The following C11orf65 variants were observed in gnomAD, a reference collection of about 807,000 sequenced individuals.
The protein encoded by C11orf65 is protein MFI.
In C11orf65, 38 loss-of-function variants were observed where a neutral mutation model predicts 35.3. The ratio of observed to expected loss-of-function variants is 1.08; its 90% CI spans 0.83 to 1.41. The LOEUF (loss-of-function observed/expected upper bound fraction) is 1.41. Ranked by LOEUF, C11orf65 falls within the 40% of genes most tolerant of loss-of-function variation. C11orf65 has a pLI of 0.00. For synonymous variants in C11orf65, 105 were observed against 114.4 expected (o/e 0.92, Z 0.53); for missense variants, 370 against 367.1 (o/e 1.01, Z -0.06).
chr11:108,398,452 CG>C (rs2092368673), intron 6 of C11orf65, among the ~76,000 whole-genome samples: 1 of 151,950 alleles, frequency 6.6e-6, no homozygotes, highest in African/African-American at 2.4e-5. Flanking sequence ...TTTTGTGATG[CG>C]GAAGATTAGA....
intron 2 of C11orf65, among the ~76,000 whole-genome samples, chr11:108,436,490 T>A (rs2093062096): frequency 6.6e-6 from 1 of 152,184 alleles, no homozygotes; most frequent in Non-Finnish European, 1.5e-5. Context: ...GTGAATATGC[T>A]TTGGCCTGTA....
At chr11:108,395,947 A>T (rs908454027) in intron 6 of C11orf65, among the ~76,000 whole-genome samples, 4 of 151,980 alleles carry the variant, frequency 2.6e-5, no homozygotes, top group African/African-American at 4.8e-5. Flanking sequence ...ATAATAATAA[A>T]AAAAGAAGTG....
intron 2 of C11orf65, among the ~76,000 whole-genome samples, chr11:108,443,523 T>C (rs910211457): frequency 6.6e-6 from 1 of 152,162 alleles, no homozygotes; most frequent in African/African-American, 2.4e-5. Flanking sequence ...AGAATATACA[T>C]TTTTACAGCA....
At chr11:108,352,819 C>T (rs1270658434) in intron 2 of C11orf65, among the ~76,000 whole-genome samples, 1 of 152,164 alleles carries the variant, frequency 6.6e-6, no homozygotes, top group African/African-American at 2.4e-5. Flanking sequence ...CAAAAGGTTA[C>T]ATACTGTATG....
chr11:108,436,046 G>A (rs183694252), intron 2 of C11orf65, among the ~76,000 whole-genome samples: 4 of 151,528 alleles, frequency 2.6e-5, no homozygotes, highest in Admixed American at 2.6e-4. Context: ...ATGAGGGAAA[G>A]ACTTGACAGG....
intron 2 of C11orf65, among the ~76,000 whole-genome samples, chr11:108,373,820 C>A (rs372235334): frequency 2.0e-5 from 3 of 152,206 alleles, no homozygotes; most frequent in African/African-American, 7.2e-5. Context: ...CCACTCCCAC[C>A]CGAATACTGC....
chr11:108,310,784 A>C (rs660429), intron 6 of C11orf65, among the ~76,000 whole-genome samples: 79,828 of 151,962 alleles, frequency 0.53, 21,804 homozygotes, highest in Middle Eastern at 0.74. Context: ...TCTGTGACTA[A>C]TTAAGTTTCA....
At chr11:108,442,140 T>C (rs1258686495) in intron 2 of C11orf65, among the ~76,000 whole-genome samples, 2 of 152,186 alleles carry the variant, frequency 1.3e-5, no homozygotes, top group African/African-American at 2.4e-5. Flanking sequence ...AATCACTTGA[T>C]GGAGCTGAAA....
intron 2 of C11orf65, chr11:108,335,302 A>G: frequency 6.7e-7 from 1 of 1,495,178 alleles, no homozygotes; most frequent in East Asian, 2.6e-5. Context: ...TCTGAAAGAC[A>G]ATCATTATTA....
chr11:108,320,045 C>G lies in C11orf65; in HGVS notation c.641-10974G>C, dbSNP rs2136222253. 6.3e-7 allele frequency: 1 copy of G among 1,592,926 alleles called. No individual in the cohort carries two copies. Among genetic ancestry groups the G allele is most frequent in the South Asian group, 1.1e-5 (1 of 90,630 alleles). The stretch of plus-strand genomic sequence containing the variant: ...AGAATTCTCTACATTTTATGAAAGT[C>G]TCAAATATGCCAGGTATTATGAAAA... On this transcript the variant is annotated intron_variant, in intron 6 of 6. Coordinates refer to the C11orf65 transcript ENST00000525729.
chr11:108,385,497 A>G (rs1404539050), intron 8 of C11orf65, among the ~76,000 whole-genome samples: 1 of 152,152 alleles, frequency 6.6e-6, no homozygotes, highest in Non-Finnish European at 1.5e-5. Context: ...CCCGGCTAAC[A>G]CAGTGAAACC....
chr11:108,417,501 A>T (rs10431060), intron 3 of C11orf65, among the ~76,000 whole-genome samples: 60 of 151,374 alleles, frequency 4.0e-4, no homozygotes, highest in African/African-American at 1.4e-3. Flanking sequence ...TGAGATAGAT[A>T]GTGCCACTTC....
At chr11:108,439,048 CAA>C (rs1291219240) in intron 2 of C11orf65, among the ~76,000 whole-genome samples, 1 of 151,612 alleles carries the variant, frequency 6.6e-6, no homozygotes, top group Non-Finnish European at 1.5e-5. Context: ...AGGACACTAA[CAA>C]GAGAGTAAAA....
chr11:108,356,155 T>A (rs1361702690), intron 2 of C11orf65: 1 of 152,226 alleles, frequency 6.6e-6, no homozygotes, highest in Non-Finnish European at 1.5e-5. Flanking sequence ...ATGTGTAACA[T>A]TTTAAAAAAA....
intron 3 of C11orf65, among the ~76,000 whole-genome samples, chr11:108,422,127 A>G (rs1472728780): frequency 6.6e-6 from 1 of 152,008 alleles, no homozygotes; most frequent in African/African-American, 2.4e-5. Flanking sequence ...ACGGGGTTTC[A>G]CTATGTTGGC....
chr11:108,413,430 G>C (rs903080762), intron 3 of C11orf65, among the ~76,000 whole-genome samples: 1 of 152,084 alleles, frequency 6.6e-6, no homozygotes, highest in Non-Finnish European at 1.5e-5. Flanking sequence ...TTCTATGTGA[G>C]AACATTTGAT....
chr11:108,376,919 G>C (rs1183778267), intron 2 of C11orf65, among the ~76,000 whole-genome samples: 1 of 151,944 alleles, frequency 6.6e-6, no homozygotes, highest in East Asian at 1.9e-4. Flanking sequence ...ACTCTCCCGA[G>C]ACTAAACCAG....
rs373208782 is a variant in C11orf65, at chr11:108,407,089, T to C, written c.228+7A>G. The C allele has an allele frequency of 1.9e-5, 31 of 1,609,150 alleles. No homozygotes were observed. In the African/African-American group the frequency reaches 2.7e-4, roughly 14 times the overall value. On this transcript the variant is annotated splice_region_variant and intron_variant, in intron 4 of 8. Coordinates refer to ENST00000393084, the MANE Select transcript of C11orf65 (RefSeq NM_152587.5). Reference sequence around the variant, plus strand: ...TAACTACTAAATAAGCATTCATCCATACTTACTCCACCTAATCTGAATCGC... The same window carrying C: ...TAACTACTAAATAAGCATTCATCCACACTTACTCCACCTAATCTGAATCGC...
intron 1 of C11orf65, among the ~76,000 whole-genome samples, chr11:108,466,329 T>C (rs2093537453): frequency 6.6e-6 from 1 of 152,112 alleles, no homozygotes; most frequent in Non-Finnish European, 1.5e-5. Flanking sequence ...ATCCTAACAT[T>C]TTGGGAGGCC....
Sources: gnomAD v4.1 joint callset for allele counts (sites outside exome capture counted in the v4.1 genomes callset) on GRCh38, gnomAD v4.1.1 for gene constraint, MANE v1.5 for transcripts, NCBI Gene and HGNC (gene_info 2026-07-23, HGNC 2026-07-21) for gene names.